The following ENOX1 variants were observed in gnomAD, a reference collection of about 807,000 sequenced individuals.
ENOX1 encodes the protein ecto-NOX disulfide-thiol exchanger 1, also known as candidate growth-related and time keeping constitutive hydroquinone (NADH) oxidase.
A neutral mutation model predicts 82.5 loss-of-function variants in ENOX1; 42 were observed. The observed-to-expected ratio is 0.51, with a 90% CI of 0.40 to 0.66. ENOX1 has a LOEUF of 0.66. Among genes scored for constraint, ENOX1 ranks in the 30% least tolerant of loss-of-function variants. The pLI, the probability that ENOX1 is intolerant of heterozygous loss-of-function variation, is 0.00. For missense variants in ENOX1, 608 were observed against 811.6 expected (o/e 0.75, Z 3.05); for synonymous variants, 271 against 282.2 (o/e 0.96, Z 0.40).
intron 1 of ENOX1, among the ~76,000 whole-genome samples, chr13:43,688,713 C>A (rs188949796): frequency 5.9e-5 from 9 of 152,090 alleles, no homozygotes; most frequent in Non-Finnish European, 1.2e-4. Flanking sequence ...GTGAACTCAG[C>A]GTCTGGTTGT....
chr13:43,599,709 C>T (rs190335379), intron 2 of ENOX1, among the ~76,000 whole-genome samples: 50 of 151,676 alleles, frequency 3.3e-4, no homozygotes, highest in East Asian at 2.4e-3. Flanking sequence ...CAAAGGAGTG[C>T]GAGTACCGCC....
chr13:43,387,692 G>A (rs1028794481), intron 5 of ENOX1, among the ~76,000 whole-genome samples: 1 of 151,536 alleles, frequency 6.6e-6, no homozygotes, highest in Non-Finnish European at 1.5e-5. Flanking sequence ...ACATACACAT[G>A]CACACACACA....
At chr13:43,441,523 A>G (rs1021417419) in intron 3 of ENOX1, among the ~76,000 whole-genome samples, 4 of 152,152 alleles carry the variant, frequency 2.6e-5, no homozygotes, top group Non-Finnish European at 5.9e-5. Flanking sequence ...AAACACATTC[A>G]TTAACCCAGG....
intron 2 of ENOX1, among the ~76,000 whole-genome samples, chr13:43,534,462 A>G (rs2078366595): frequency 6.6e-6 from 1 of 152,140 alleles, no homozygotes; most frequent in South Asian, 2.1e-4. Context: ...TCCTATGAAA[A>G]AAGGAAAAAA....
chr13:43,776,238 T>C (rs566088702), intron 1 of ENOX1, among the ~76,000 whole-genome samples: 1 of 151,554 alleles, frequency 6.6e-6, no homozygotes, highest in Non-Finnish European at 1.5e-5. Flanking sequence ...AGATAGGGAG[T>C]GTTAGCAAAT....
At chr13:43,347,943 A>C (rs1001654572) in intron 8 of ENOX1, among the ~76,000 whole-genome samples, 2 of 152,218 alleles carry the variant, frequency 1.3e-5, no homozygotes, top group South Asian at 4.1e-4. Flanking sequence ...ACCGTTTTCT[A>C]ATCAGGTCCT....
chr13:43,380,857 T>C (rs889754293), intron 5 of ENOX1, among the ~76,000 whole-genome samples: 2 of 151,736 alleles, frequency 1.3e-5, no homozygotes, highest in African/African-American at 4.8e-5. Flanking sequence ...CAAGAAAATA[T>C]AACAATCCCA....
At chr13:43,370,798 T>C (rs2051185580) in intron 5 of ENOX1, among the ~76,000 whole-genome samples, 1 of 152,206 alleles carries the variant, frequency 6.6e-6, no homozygotes, top group Non-Finnish European at 1.5e-5. Context: ...TATATCATTG[T>C]CTTTTTTGTT....
At chr13:43,557,032 G>A (rs558194337) in intron 2 of ENOX1, among the ~76,000 whole-genome samples, 5 of 152,390 alleles carry the variant, frequency 3.3e-5, no homozygotes, top group Admixed American at 3.3e-4. Context: ...CAGGCACACA[G>A]TGCAGTGCGA....
chr13:43,693,503 C>A (rs749214645), intron 1 of ENOX1, among the ~76,000 whole-genome samples: 2 of 152,160 alleles, frequency 1.3e-5, no homozygotes, highest in African/African-American at 4.8e-5. Flanking sequence ...TTTTCTGAAT[C>A]TTTCTCATAC....
chr13:43,484,556 C>A (rs2058620390), intron 2 of ENOX1, among the ~76,000 whole-genome samples: 1 of 152,118 alleles, frequency 6.6e-6, no homozygotes, highest in African/African-American at 2.4e-5. Flanking sequence ...CTCCATTTTA[C>A]AGATGAGAAA....
intron 10 of ENOX1, among the ~76,000 whole-genome samples, chr13:43,324,932 C>T (rs1346375535): frequency 2.0e-5 from 3 of 152,202 alleles, no homozygotes; most frequent in East Asian, 1.9e-4. Flanking sequence ...CAGGTTTATT[C>T]GGCAGCAGGC....
At chr13:43,497,086 ATACTT>A (rs1385273196) in intron 2 of ENOX1, among the ~76,000 whole-genome samples, 1 of 152,144 alleles carries the variant, frequency 6.6e-6, no homozygotes, top group Admixed American at 6.6e-5. Context: ...AATAGCACTG[ATACTT>A]TACATTTATC....
chr13:43,768,273 A>G (rs9533610), intron 1 of ENOX1, among the ~76,000 whole-genome samples: 106,996 of 151,372 alleles, frequency 0.71, 41,303 homozygotes, highest in South Asian at 0.88. Context: ...ATCTTCACCA[A>G]TCAAATTTTC....
chr13:43,267,152 C>T (rs1024228752), intron 13 of ENOX1, among the ~76,000 whole-genome samples: 1 of 152,178 alleles, frequency 6.6e-6, no homozygotes, highest in Non-Finnish European at 1.5e-5. Context: ...CGAGCTGCAG[C>T]TCCAGGACAG....
chr13:43,587,351 T>C (rs748283106), intron 2 of ENOX1, among the ~76,000 whole-genome samples: 2 of 152,224 alleles, frequency 1.3e-5, no homozygotes, highest in Non-Finnish European at 2.9e-5. Flanking sequence ...TTCCTAATAT[T>C]GTGTTTAAAA....
At chr13:43,760,301 C>T (rs566444887) in intron 1 of ENOX1, among the ~76,000 whole-genome samples, 14 of 152,216 alleles carry the variant, frequency 9.2e-5, no homozygotes, top group Non-Finnish European at 1.8e-4. Context: ...ACATTAGGTA[C>T]TGCCCTGAAT....
At chr13:43,778,984 T>C (rs1162495501) in intron 1 of ENOX1, among the ~76,000 whole-genome samples, 2 of 152,128 alleles carry the variant, frequency 1.3e-5, no homozygotes, top group Admixed American at 6.5e-5. Context: ...CCCACAGTTA[T>C]ACCTTAGCTT....
chr13:43,677,619 T>C (rs986168830), intron 1 of ENOX1, among the ~76,000 whole-genome samples: 2 of 152,234 alleles, frequency 1.3e-5, no homozygotes, highest in African/African-American at 4.8e-5. Flanking sequence ...GAGGTGCCAA[T>C]TATCATAGTG....
Sources: allele counts gnomAD v4.1 joint callset (sites outside exome capture counted in the v4.1 genomes callset), GRCh38; gene constraint gnomAD v4.1.1; transcripts MANE v1.5; gene names NCBI Gene and HGNC (gene_info 2026-07-23, HGNC 2026-07-21).